The following ZMYND8 variants were observed in gnomAD, a reference collection of about 807,000 sequenced individuals.
ZMYND8 encodes zinc finger MYND-type containing 8.
Under a neutral mutation model 140.8 loss-of-function variants are expected in ZMYND8, and 37 were observed. The observed-to-expected ratio is 0.26, with a 90% CI of 0.20 to 0.35. ZMYND8 has a LOEUF of 0.35. Among genes scored for constraint, ZMYND8 ranks in the 10% least tolerant of loss-of-function variants. The pLI is 1.00. For missense variants in ZMYND8, 1,068 were observed against 1,570.0 expected (o/e 0.68, Z 5.40); for synonymous variants, 592 against 597.1 (o/e 0.99, Z 0.12).
At chr20:47,255,728 A>ATATATATATATATACCGTGTATGTGTG (rs2074601175) in intron 12 of ZMYND8, among the ~76,000 whole-genome samples, 1 of 19,864 alleles carries the variant, frequency 5.0e-5, no homozygotes, top group Non-Finnish European at 9.6e-5. Context: ...GTGTGTATAT[A>ATATATATATATATACCGTGTATGTGTG]TATATATATA....
chr20:47,211,150 T>G lies in ZMYND8; in HGVS notation c.3569-253A>C, dbSNP rs1473888534. Among the ~76,000 whole-genome samples, 3 of 152,188 alleles carry G rather than the reference T, an allele frequency of 2.0e-5. No homozygotes were observed. The South Asian group carries it at 6.2e-4, about 32-fold the overall frequency. ...TGTCATGCTCACAGAGAATAAAGAT[T>G]TGTAGAAAAGGTGCTGAACTGCCAA... On this transcript the variant is annotated intron_variant, in intron 22 of 22. Coordinates refer to ENST00000471951, the MANE Select transcript of ZMYND8 (RefSeq NM_001281775.3).
intron 2 of ZMYND8, among the ~76,000 whole-genome samples, chr20:47,311,593 A>G (rs2078935123): frequency 2.0e-5 from 3 of 152,290 alleles, no homozygotes; most frequent in African/African-American, 7.2e-5. Context: ...ATGTGTTTCT[A>G]GAGGAGATTG....
At chr20:47,275,538 T>C (rs963873623) in intron 11 of ZMYND8, among the ~76,000 whole-genome samples, 1 of 151,692 alleles carries the variant, frequency 6.6e-6, no homozygotes, top group Admixed American at 6.6e-5. Flanking sequence ...GGATATGACC[T>C]TTAAGGGAAT....
intron 3 of ZMYND8, 135 bp from the exon 4 acceptor site, chr20:47,299,082 T>G (rs2077827997): frequency 3.9e-6 from 3 of 772,132 alleles, no homozygotes; most frequent in South Asian, 3.6e-5. Flanking sequence ...CAAACTATCT[T>G]AGGTTACTCT....
intron 10 of ZMYND8, among the ~76,000 whole-genome samples, chr20:47,277,470 G>A (rs922029557): frequency 6.6e-6 from 1 of 152,176 alleles, no homozygotes; most frequent in African/African-American, 2.4e-5. Context: ...CGGGGGAGGT[G>A]CAAACACCAC....
At chr20:47,351,979 G>C (rs2082820732) in intron 1 of ZMYND8, 1 of 985,392 alleles carries the variant, frequency 1.0e-6, no homozygotes, top group Non-Finnish European at 1.2e-6. Context: ...GAAGTCACAG[G>C]TTCCTAAGGA....
chr20:47,294,293 A>C (rs1264525777), intron 5 of ZMYND8, among the ~76,000 whole-genome samples: 1 of 152,070 alleles, frequency 6.6e-6, no homozygotes, highest in Non-Finnish European at 1.5e-5. Flanking sequence ...CAGAGGTTGC[A>C]GTGAGCCAAC....
intron 6 of ZMYND8, among the ~76,000 whole-genome samples, chr20:47,290,668 T>C (rs541806016): frequency 3.2e-4 from 46 of 143,736 alleles, no homozygotes; most frequent in Admixed American, 3.1e-3. Context: ...CTCGGCTCAC[T>C]GCAACCTCCA....
intron 1 of ZMYND8, among the ~76,000 whole-genome samples, chr20:47,349,513 A>C (rs2082599765): frequency 6.6e-6 from 1 of 152,210 alleles, no homozygotes; most frequent in Non-Finnish European, 1.5e-5. Context: ...CTTAAGGAGA[A>C]AACATTCTCA....
At chr20:47,297,806 A>G (rs970774642) in intron 4 of ZMYND8, among the ~76,000 whole-genome samples, 1 of 152,188 alleles carries the variant, frequency 6.6e-6, no homozygotes, top group Non-Finnish European at 1.5e-5. Flanking sequence ...AATTCCAAAA[A>G]AACATCAGAG....
chr20:47,323,939 G>A (rs745439492), intron 2 of ZMYND8, among the ~76,000 whole-genome samples: 9 of 152,238 alleles, frequency 5.9e-5, no homozygotes, highest in Middle Eastern at 3.4e-3. Context: ...GGTGGCTCAC[G>A]CCTGTAATCC....
At chr20:47,226,780 C>T (rs1024960911) in intron 18 of ZMYND8, among the ~76,000 whole-genome samples, 3 of 152,206 alleles carry the variant, frequency 2.0e-5, no homozygotes, top group African/African-American at 7.2e-5. Context: ...CTTCCTCAGC[C>T]TCCCGAGAAG....
chr20:47,356,351 G>GA (rs746822773), intron 1 of ZMYND8: 3,992 of 1,256,176 alleles, frequency 3.2e-3, no homozygotes, highest in East Asian at 7.6e-3. Context: ...AAAAAAGAAG[G>GA]AAAAAAAAAA....
intron 21 of ZMYND8, among the ~76,000 whole-genome samples, chr20:47,218,084 A>G (rs2036383127): frequency 6.6e-6 from 1 of 152,246 alleles, no homozygotes; most frequent in Admixed American, 6.5e-5. Context: ...CAGCTATGAC[A>G]GGAACCATGC....
At chr20:47,254,791 C>T (rs895228224) in intron 12 of ZMYND8, among the ~76,000 whole-genome samples, 1 of 152,044 alleles carries the variant, frequency 6.6e-6, no homozygotes, top group African/African-American at 2.4e-5. Flanking sequence ...TGGCCTCTAC[C>T]CCCTAGATGC....
intron 11 of ZMYND8, among the ~76,000 whole-genome samples, chr20:47,273,155 G>A (rs1415548176): frequency 3.3e-5 from 5 of 152,142 alleles, no homozygotes; most frequent in Non-Finnish European, 7.3e-5. Flanking sequence ...ATAGCTCAAG[G>A]GTCAAATTGG....
intron 21 of ZMYND8, among the ~76,000 whole-genome samples, chr20:47,214,574 A>ACCTCCG (rs2035792402): frequency 6.6e-6 from 1 of 151,936 alleles, no homozygotes; most frequent in Admixed American, 6.6e-5. Context: ...ACTCACTGTA[A>ACCTCCG]CCTCCGCCTC....
intron 17 of ZMYND8, among the ~76,000 whole-genome samples, chr20:47,229,148 G>GT (rs974307263): frequency 6.6e-6 from 1 of 150,484 alleles, no homozygotes; most frequent in Admixed American, 6.7e-5. Context: ...TCTCCTGCTT[G>GT]TTTTTTTAAA....
At chr20:47,251,982 T>TA (rs756217723) in intron 12 of ZMYND8, among the ~76,000 whole-genome samples, 57 of 144,952 alleles carry the variant, frequency 3.9e-4, no homozygotes, top group South Asian at 6.6e-4. Context: ...AAAGTTTATT[T>TA]AAAAAAAAAA....
Sources: allele counts gnomAD v4.1 joint callset (sites outside exome capture counted in the v4.1 genomes callset), GRCh38; gene constraint gnomAD v4.1.1; transcripts MANE v1.5; gene names NCBI Gene and HGNC (gene_info 2026-07-23, HGNC 2026-07-21).